OPCML: variants seen among roughly 807,000 people sequenced by gnomAD.
OPCML encodes opioid-binding protein/cell adhesion molecule.
Under a neutral mutation model 37.8 loss-of-function variants are expected in OPCML, and 13 were observed. The observed-to-expected ratio is 0.34, with a 90% CI of 0.22 to 0.55. The LOEUF (loss-of-function observed/expected upper bound fraction) is 0.55. Among genes scored for constraint, OPCML ranks in the 20% least tolerant of loss-of-function variants. The probability of loss-of-function intolerance (pLI) is 0.91; values close to 1 mark genes in which losing one functional copy is unlikely to be tolerated. For synonymous variants in OPCML, 176 were observed against 168.8 expected (o/e 1.04, Z -0.33); for missense variants, 341 against 435.6 (o/e 0.78, Z 1.93).
At chr11:132,470,525 C>T (rs966271600) in intron 4 of OPCML, among the ~76,000 whole-genome samples, 9 of 152,112 alleles carry the variant, frequency 5.9e-5, no homozygotes, top group African/African-American at 2.2e-4. Context: ...TAGAGATGCC[C>T]AGTAGACAGA....
chr11:133,433,764 C>G (rs1316971911), intron 1 of OPCML, among the ~76,000 whole-genome samples: 1 of 152,132 alleles, frequency 6.6e-6, no homozygotes, highest in Non-Finnish European at 1.5e-5. Flanking sequence ...CCCCCTTAAC[C>G]CACTTCAGGG....
chr11:133,000,824 T>C (rs1206446663), intron 1 of OPCML, among the ~76,000 whole-genome samples: 2 of 151,960 alleles, frequency 1.3e-5, no homozygotes, highest in Non-Finnish European at 2.9e-5. Context: ...TGGTGGGAGG[T>C]GTCTGTCTCA....
intron 2 of OPCML, among the ~76,000 whole-genome samples, chr11:132,673,205 G>C (rs116554295): frequency 3.3e-5 from 5 of 152,086 alleles, no homozygotes; most frequent in Non-Finnish European, 7.4e-5. Flanking sequence ...GTTAATGTCC[G>C]CTCATGACTT....
At chr11:133,027,307 T>G (rs1438158266) in intron 1 of OPCML, among the ~76,000 whole-genome samples, 1 of 152,208 alleles carries the variant, frequency 6.6e-6, no homozygotes. Flanking sequence ...ATGAAATAAT[T>G]TATGCTAAGT....
intron 2 of OPCML, among the ~76,000 whole-genome samples, chr11:132,765,905 C>T (rs1003544625): frequency 7.2e-5 from 11 of 152,126 alleles, no homozygotes; most frequent in African/African-American, 2.2e-4. Context: ...GGCAGAAGTG[C>T]GTCTAAAATG....
chr11:133,152,836 T>C (rs1379966970), intron 1 of OPCML, among the ~76,000 whole-genome samples: 3 of 152,118 alleles, frequency 2.0e-5, no homozygotes, highest in African/African-American at 7.3e-5. Flanking sequence ...TGCTGTCTAG[T>C]TGTGTGAAGC....
At chr11:132,479,135 C>T (rs1006624749) in intron 4 of OPCML, among the ~76,000 whole-genome samples, 1 of 152,152 alleles carries the variant, frequency 6.6e-6, no homozygotes, top group East Asian at 1.9e-4. Context: ...GGGTTCATCA[C>T]ACAAGGGAGT....
At chr11:133,185,887 A>C (rs1268537141) in intron 1 of OPCML, among the ~76,000 whole-genome samples, 2 of 152,326 alleles carry the variant, frequency 1.3e-5, no homozygotes, top group Non-Finnish European at 2.9e-5. Flanking sequence ...ATGAGGTATG[A>C]TGATGGTATA....
At chr11:132,590,567 C>G (rs2096482685) in intron 3 of OPCML, among the ~76,000 whole-genome samples, 1 of 152,166 alleles carries the variant, frequency 6.6e-6, no homozygotes, top group African/African-American at 2.4e-5. Flanking sequence ...TTCTCAACAT[C>G]TCCATGAGGT....
At chr11:132,583,636 AAG>A (rs2137653282) in intron 3 of OPCML, among the ~76,000 whole-genome samples, 1 of 151,734 alleles carries the variant, frequency 6.6e-6, no homozygotes, top group South Asian at 2.1e-4. Context: ...TACTTTTTGA[AAG>A]AGAGTTTTGC....
chr11:132,978,776 T>C (rs1018403639), intron 1 of OPCML, among the ~76,000 whole-genome samples: 3 of 152,160 alleles, frequency 2.0e-5, no homozygotes, highest in African/African-American at 7.2e-5. Flanking sequence ...CATTTGCATA[T>C]GTATAATGTG....
At chr11:132,599,210 C>A (rs914003049) in intron 3 of OPCML, among the ~76,000 whole-genome samples, 5 of 152,072 alleles carry the variant, frequency 3.3e-5, no homozygotes, top group African/African-American at 1.2e-4. Context: ...CGCTTGAACC[C>A]GGGAGGTGGA....
At chr11:133,217,159 C>T (rs1337811076) in intron 1 of OPCML, among the ~76,000 whole-genome samples, 1 of 152,150 alleles carries the variant, frequency 6.6e-6, no homozygotes, top group East Asian at 1.9e-4. Flanking sequence ...GTGAGCAGCC[C>T]ACTCACACTA....
intron 3 of OPCML, among the ~76,000 whole-genome samples, chr11:132,603,100 T>G (rs1938036532): frequency 6.6e-6 from 1 of 152,214 alleles, no homozygotes; most frequent in Admixed American, 6.5e-5. Context: ...CCTAGTTTGC[T>G]CTTCATCTGG....
rs114140676 is a variant in OPCML, at chr11:133,103,538, A to G, written c.62-160528T>C. Among the ~76,000 whole-genome samples the G allele has an allele frequency of 9.7e-3, 1,476 of 152,342 alleles. 21 individuals carry two copies. Among genetic ancestry groups the G allele is most frequent in the African/African-American group, 0.027 (1,114 of 41,582 alleles). On this transcript the variant is annotated intron_variant, in intron 1 of 7. Transcript: ENST00000524381. ...GGATTAGAATAAAACAAAATGTGAC[A>G]GGAAAAAATTACAAGGTGAAAAGCC...
rs972048864 is a variant in OPCML, at chr11:133,211,172, A to C, written c.62-268162T>G. Among the ~76,000 whole-genome samples, 1 of 152,064 alleles carries C rather than the reference A, an allele frequency of 6.6e-6. No individual in the cohort carries two copies. Among genetic ancestry groups the C allele is most frequent in the Non-Finnish European group, 1.5e-5 (1 of 68,006 alleles). The stretch of plus-strand genomic sequence containing the variant: ...CAGAAGGAATCAAATATTTCTGCAA[A>C]TTCTGATGATTTAATGTACTCATTT... On this transcript the variant is annotated intron_variant, in intron 1 of 7. Transcript: ENST00000524381. This position sits in a 1 kb window ranked among gnomAD's most constrained non-coding sequence, Gnocchi z 4.1.
rs2135899508 is a variant in OPCML, at chr11:132,694,192, T to C, written c.147-36873A>G. On this transcript the variant is annotated intron_variant, in intron 2 of 7. Transcript: ENST00000524381. Reference sequence around the variant, plus strand: ...TGAAATCAATGTCTTTTTTTTTTTTTTTTTTTTTTTTTTTTTTTTTTTTTT... The same window carrying C: ...TGAAATCAATGTCTTTTTTTTTTTTCTTTTTTTTTTTTTTTTTTTTTTTTT... Among the ~76,000 whole-genome samples, 4 of 114,020 alleles carry C rather than the reference T, an allele frequency of 3.5e-5. No homozygotes were observed. In the Middle Eastern group the frequency reaches 0.018, roughly 518 times the overall value. The allele number at this position is 114,020 out of a possible 152,430, so 74.8% of individuals were successfully genotyped here.
intron 2 of OPCML, 130 bp downstream of exon 2, chr11:132,942,796 G>A: frequency 2.5e-6 from 3 of 1,185,930 alleles, no homozygotes; most frequent in Non-Finnish European, 3.6e-6. Context: ...CACGCAAGCG[G>A]GCGCCCCTCG....
At chr11:132,942,017 G>A (rs923269633) in intron 2 of OPCML, among the ~76,000 whole-genome samples, 1 of 152,158 alleles carries the variant, frequency 6.6e-6, no homozygotes, top group Non-Finnish European at 1.5e-5. Flanking sequence ...TCATAGGCAG[G>A]GCAAATGCAT....
Sources: gnomAD v4.1 joint callset for allele counts (sites outside exome capture counted in the v4.1 genomes callset) on GRCh38, gnomAD v4.1.1 for gene constraint, Gnocchi (gnomAD v3.1) non-coding constraint, MANE v1.5 for transcripts, NCBI Gene and HGNC (gene_info 2026-07-23, HGNC 2026-07-21) for gene names.